PHC3: variants seen among roughly 807,000 people sequenced by gnomAD.
The protein encoded by PHC3 is polyhomeotic-like protein 3.
Under a neutral mutation model 107.4 loss-of-function variants are expected in PHC3, and 13 were observed. The observed-to-expected ratio is 0.12, with a 90% CI of 0.08 to 0.19. PHC3 has a LOEUF of 0.19. Among genes scored for constraint, PHC3 ranks in the 10% least tolerant of loss-of-function variants. The pLI is 1.00. For synonymous variants in PHC3, 456 were observed against 427.4 expected, an observed-to-expected ratio of 1.07 and a Z score of -0.83; for missense variants, 992 against 1,210.9, an observed-to-expected ratio of 0.82 and a Z score of 2.68.
At chr3:170,180,695 C>A (rs1228337739) in intron 1 of PHC3, among the ~76,000 whole-genome samples, 1 of 151,854 alleles carries the variant, frequency 6.6e-6, no homozygotes, top group Non-Finnish European at 1.5e-5. Context: ...ATACTACTAC[C>A]GTATCGTGTA....
At chr3:170,179,389 CAT>C (rs1203321687) in intron 1 of PHC3, among the ~76,000 whole-genome samples, 3 of 152,174 alleles carry the variant, frequency 2.0e-5, no homozygotes, top group African/African-American at 7.2e-5. Flanking sequence ...CCTAGGGACT[CAT>C]GTTAACTAGC....
At chr3:170,152,667 C>CT (rs764287369) in intron 4 of PHC3, among the ~76,000 whole-genome samples, 1,876 of 144,282 alleles carry the variant, frequency 0.013, 39 homozygotes, top group African/African-American at 0.043. Context: ...CACTTTTCTT[C>CT]TTTTTTTTTT....
At chr3:170,105,888 T>A (rs61193448) in intron 12 of PHC3, among the ~76,000 whole-genome samples, 182 of 152,298 alleles carry the variant, frequency 1.2e-3, no homozygotes, top group African/African-American at 4.0e-3. Flanking sequence ...ATACGATTAA[T>A]GAAGAGACTA....
chr3:170,125,516 C>A (rs904992363), intron 8 of PHC3, among the ~76,000 whole-genome samples: 2 of 152,080 alleles, frequency 1.3e-5, no homozygotes, highest in Non-Finnish European at 2.9e-5. Flanking sequence ...CTCTTTAATC[C>A]TAATGCAGTT....
chr3:170,128,302 A>G lies in PHC3; in HGVS notation c.1788+382T>C, dbSNP rs1012579996. The G allele has an allele frequency of 5.1e-6, 6 of 1,182,978 alleles. No homozygotes were observed. In the African/African-American group the frequency reaches 9.7e-5, roughly 19 times the overall value. 73.3% of individuals were successfully genotyped at this position (1,182,978 alleles called of 1,614,324 possible). ...TAGATAAACCATACGTTTTGAGAAC[A>G]TACAAGCCAACAGAAGGGATCTATG... On this transcript the variant is annotated intron_variant, in intron 8 of 14. Coordinates refer to ENST00000495893, the MANE Select transcript of PHC3 (RefSeq NM_024947.4).
rs1448212544 is a variant in PHC3 at position 170,097,861 on chromosome 3, C to G, written c.2834-477G>C. ...CTCAAGTAAGTACCACTTTCATTAT[C>G]ATTTGTACCTTATCCTAATTTATGA... On this transcript the variant is annotated intron_variant, in intron 14 of 14. Transcript: ENST00000495893. This position sits in a 1 kb window ranked among gnomAD's most constrained non-coding sequence, Gnocchi z 4.1. 2.0e-5 allele frequency among the ~76,000 whole-genome samples: 3 copies of G among 152,178 alleles called. No homozygotes were observed. The highest frequency in any genetic ancestry group is 4.4e-5 in the Non-Finnish European group (3 of 68,034).
chr3:170,161,517 T>C (rs1053083837), intron 4 of PHC3, among the ~76,000 whole-genome samples: 1 of 152,118 alleles, frequency 6.6e-6, no homozygotes, highest in Non-Finnish European at 1.5e-5. Context: ...CAGTTCAAAA[T>C]AGGGTTCACG....
At chr3:170,180,580 T>TC (rs1330466663) in intron 1 of PHC3, among the ~76,000 whole-genome samples, 4 of 151,182 alleles carry the variant, frequency 2.6e-5, no homozygotes, top group East Asian at 1.9e-4. Flanking sequence ...TTTTTTTTTT[T>TC]CCAAACTGCC....
At chr3:170,179,907 CCTTTT>C (rs1731105087) in intron 1 of PHC3, among the ~76,000 whole-genome samples, 1 of 152,104 alleles carries the variant, frequency 6.6e-6, no homozygotes, top group Admixed American at 6.6e-5. Flanking sequence ...GTTTTATCTC[CCTTTT>C]CTTATCGGTC....
intron 7 of PHC3, among the ~76,000 whole-genome samples, chr3:170,129,902 G>A (rs566686204): frequency 3.7e-4 from 56 of 152,126 alleles, no homozygotes; most frequent in Non-Finnish European, 4.3e-4. Context: ...GTTTCACCAC[G>A]TTGGCCAGGC....
At chr3:170,114,945 A>C (rs560733611) in intron 10 of PHC3, among the ~76,000 whole-genome samples, 1 of 152,304 alleles carries the variant, frequency 6.6e-6, no homozygotes, top group Admixed American at 6.5e-5. Flanking sequence ...AAATTTACAG[A>C]AGTTATTGCT....
intron 8 of PHC3, 105 bp from the exon 9 acceptor site, chr3:170,122,849 A>C: frequency 7.5e-7 from 1 of 1,339,496 alleles, no homozygotes; most frequent in East Asian, 2.5e-5. Flanking sequence ...ATTTAAAAAC[A>C]AGGCAAAAAT....
intron 2 of PHC3, among the ~76,000 whole-genome samples, chr3:170,177,565 C>T (rs1730668257): frequency 1.3e-5 from 2 of 151,960 alleles, no homozygotes. Flanking sequence ...CGGGGTTTCA[C>T]CATGTTGATC....
chr3:170,116,746 C>CA (rs1454955063), intron 10 of PHC3, among the ~76,000 whole-genome samples: 1 of 151,512 alleles, frequency 6.6e-6, no homozygotes, highest in Non-Finnish European at 1.5e-5. Context: ...CTTGTCTCTA[C>CA]AAAAAAATAC....
Position 170,172,693 on chromosome 3 carries a change from T to C in PHC3, c.200A>G (p.His67Arg). 2 of 1,607,548 alleles carry C rather than the reference T, an allele frequency of 1.2e-6. No homozygotes were observed. Among genetic ancestry groups the C allele is most frequent in the Non-Finnish European group, 1.7e-6 (2 of 1,175,388 alleles). The part of the protein sequence containing the change: ...HAVQVIQQAL[H>R]RPPSSAAQYL... ...CTGAGCAGCTGAGCTGGGGGGCCGATGCAATGCCTGTTGAATTACCTGTGA... is the reference window on the plus strand; with the variant it reads ...CTGAGCAGCTGAGCTGGGGGGCCGACGCAATGCCTGTTGAATTACCTGTGA... The change falls in exon 3 of 15, where the codon CAT becomes CGT. Residue 67 changes from histidine (H) to arginine (R), a missense_variant. Physicochemically the swap from His to Arg is conservative, Grantham distance 29. Around this residue, in one of 6 missense-constraint regions of PHC3, gnomAD observed 161 missense variants for 183.7 expected, o/e 0.88. Transcript: ENST00000495893.
At chr3:170,172,208 G>A (rs1410299473) in intron 3 of PHC3, among the ~76,000 whole-genome samples, 2 of 151,926 alleles carry the variant, frequency 1.3e-5, no homozygotes, top group Non-Finnish European at 2.9e-5. Context: ...TTTTTAATGA[G>A]TATAATTACT....
At chr3:170,166,594 G>A (rs533173902) in intron 4 of PHC3, among the ~76,000 whole-genome samples, 49 of 151,798 alleles carry the variant, frequency 3.2e-4, no homozygotes, top group Non-Finnish European at 3.4e-4. Context: ...CCTGCATATG[G>A]GCATAATTAT....
chr3:170,119,496 C>T (rs1364776039), intron 9 of PHC3, among the ~76,000 whole-genome samples: 1 of 152,068 alleles, frequency 6.6e-6, no homozygotes, highest in Non-Finnish European at 1.5e-5. Flanking sequence ...AAATTACTAA[C>T]TTTTTGAAGA....
In PHC3 at chr3:170,092,906, A is replaced by C. The variant is rs1714255440; in HGVS notation, c.*4324T>G. The stretch of plus-strand genomic sequence containing the variant: ...TAAATCTTGACATATAAAAACTATA[A>C]CCTATTTACTGCTATAACTGGCATC... On this transcript the variant is annotated 3_prime_UTR_variant, in exon 15 of 15. Coordinates refer to ENST00000495893, the MANE Select transcript of PHC3 (RefSeq NM_024947.4). The C allele has an allele frequency of 6.6e-6, 1 of 152,120 alleles. No homozygotes were observed. The highest frequency in any genetic ancestry group is 2.4e-5 in the African/African-American group (1 of 41,424). 9.4% of individuals were successfully genotyped at this position (152,120 alleles called of 1,614,324 possible). A position where few individuals can be genotyped will look rare whatever the true frequency, so the allele number is the denominator to read the frequency against.
Sources: allele counts gnomAD v4.1 joint callset (sites outside exome capture counted in the v4.1 genomes callset), GRCh38; gene constraint gnomAD v4.1.1; regional missense constraint gnomAD v4.1.1; non-coding constraint Gnocchi (gnomAD v3.1); transcripts MANE v1.5; gene names NCBI Gene and HGNC (gene_info 2026-07-23, HGNC 2026-07-21).